The following NUBPL variants were observed in gnomAD, a reference collection of about 807,000 sequenced individuals.
The protein encoded by NUBPL is iron-sulfur cluster transfer protein NUBPL.
In NUBPL, 31 loss-of-function variants were observed where a neutral mutation model predicts 45.7. That is an observed-to-expected ratio of 0.68 (90% confidence interval 0.51 to 0.92). The LOEUF (loss-of-function observed/expected upper bound fraction) is 0.92. NUBPL is among the 40% of genes least tolerant of loss of function. The pLI is 0.00. For synonymous variants in NUBPL, 144 were observed against 140.9 expected (o/e 1.02, Z -0.15); for missense variants, 401 against 398.7 (o/e 1.01, Z -0.05).
intron 7 of NUBPL, among the ~76,000 whole-genome samples, chr14:31,815,657 A>G (rs543019808): frequency 3.0e-4 from 46 of 152,246 alleles, no homozygotes; most frequent in African/African-American, 7.2e-4. Flanking sequence ...ATTCAGTATG[A>G]TACTGGCTGT....
intron 4 of NUBPL, among the ~76,000 whole-genome samples, chr14:31,605,953 CCCT>C (rs1363103103): frequency 1.4e-5 from 2 of 145,792 alleles, no homozygotes; most frequent in African/African-American, 5.1e-5. Context: ...CCTCTCTTCT[CCCT>C]CCTCCTCTTC....
chr14:31,678,483 GC>G lies in NUBPL; in HGVS notation c.513+4912del, dbSNP rs368276707. On this transcript the variant is annotated intron_variant, in intron 6 of 10. Transcript: ENST00000281081. ...CGGGCATTGCTGCTGGTTGTTCATG[GC>G]CCAGAGGCCCTTTATTCAGCAGGTG... 1.6e-4 allele frequency among the ~76,000 whole-genome samples: 24 copies of G among 152,308 alleles called. No homozygotes were observed. In the East Asian group the frequency reaches 2.9e-3, roughly 18 times the overall value.
At chr14:31,729,280 C>G (rs539403372) in intron 6 of NUBPL, among the ~76,000 whole-genome samples, 5 of 133,826 alleles carry the variant, frequency 3.7e-5, no homozygotes, top group South Asian at 2.6e-4. Flanking sequence ...CTCCATCCCC[C>G]CCCCCCCCAA....
intron 6 of NUBPL, among the ~76,000 whole-genome samples, chr14:31,683,642 C>T (rs937076104): frequency 1.3e-5 from 2 of 152,078 alleles, no homozygotes; most frequent in African/African-American, 4.8e-5. Context: ...TGAGCCACCG[C>T]GCCCGGCTGC....
chr14:31,793,842 T>TA lies in NUBPL; in HGVS notation c.607+5969_607+5970insA, dbSNP rs1555338733. Among the ~76,000 whole-genome samples, 161 of 125,068 alleles carry TA rather than the reference T, an allele frequency of 1.3e-3. 1 individual carries two copies. Among genetic ancestry groups the TA allele is most frequent in the African/African-American group, 4.8e-3 (108 of 22,700 alleles). 82.0% of individuals were successfully genotyped at this position (125,068 alleles called of 152,430 possible). A position where few individuals can be genotyped will look rare whatever the true frequency, so the allele number is the denominator to read the frequency against. On this transcript the variant is annotated intron_variant, in intron 7 of 10. Coordinates refer to ENST00000281081, the MANE Select transcript of NUBPL (RefSeq NM_025152.3). ...CCCTTATCTTTCTTTTTTTTTTTTA[T>TA]TTTTTTTTTTATTTTTTCCCAATGC...
At chr14:31,679,921 G>A (rs1263245666) in intron 6 of NUBPL, among the ~76,000 whole-genome samples, 2 of 152,032 alleles carry the variant, frequency 1.3e-5, no homozygotes, top group South Asian at 2.1e-4. Context: ...TTGGAGTAAT[G>A]TTTTATAGTT....
chr14:31,638,458 G>A (rs559725525), intron 4 of NUBPL, among the ~76,000 whole-genome samples: 3 of 151,828 alleles, frequency 2.0e-5, no homozygotes, highest in South Asian at 2.1e-4. Context: ...CGAGAGATCC[G>A]CTGTTAGTCT....
At chr14:31,853,882 A>G (rs1222213780) in intron 10 of NUBPL, among the ~76,000 whole-genome samples, 1 of 152,200 alleles carries the variant, frequency 6.6e-6, no homozygotes, top group African/African-American at 2.4e-5. Flanking sequence ...TGCTGGTATG[A>G]TTAATACTGT....
At chr14:31,763,604 A>AT (rs1453256970) in intron 6 of NUBPL, among the ~76,000 whole-genome samples, 2 of 152,270 alleles carry the variant, frequency 1.3e-5, no homozygotes, top group African/African-American at 4.8e-5. Flanking sequence ...ATCTGAATAT[A>AT]TTTTTTGTTT....
At chr14:31,573,154 G>A (rs961123964) in intron 3 of NUBPL, among the ~76,000 whole-genome samples, 4 of 152,148 alleles carry the variant, frequency 2.6e-5, no homozygotes, top group African/African-American at 9.7e-5. Flanking sequence ...CATGTGTTGT[G>A]CTGTGATGTT....
chr14:31,573,122 A>G (rs1222010097), intron 3 of NUBPL, among the ~76,000 whole-genome samples: 1 of 152,136 alleles, frequency 6.6e-6, no homozygotes, highest in African/African-American at 2.4e-5. Context: ...GTTTACACCA[A>G]CATCACCATA....
intron 2 of NUBPL, among the ~76,000 whole-genome samples, chr14:31,564,024 G>T (rs1302534349): frequency 1.3e-5 from 2 of 152,196 alleles, no homozygotes; most frequent in African/African-American, 4.8e-5. Flanking sequence ...GCAGAGCTGG[G>T]ATTTGAACCA....
At chr14:31,768,392 C>CCTTGGATG (rs1435166213) in intron 6 of NUBPL, among the ~76,000 whole-genome samples, 2 of 152,212 alleles carry the variant, frequency 1.3e-5, no homozygotes, top group African/African-American at 4.8e-5. Flanking sequence ...TTCTGCACAT[C>CCTTGGATG]AGTAAGCATC....
At chr14:31,772,834 T>C (rs2039032227) in intron 6 of NUBPL, among the ~76,000 whole-genome samples, 1 of 152,226 alleles carries the variant, frequency 6.6e-6, no homozygotes, top group Non-Finnish European at 1.5e-5. Context: ...ATAGTGACTT[T>C]AGAGGGGTTT....
At chr14:31,826,747 A>G in intron 8 of NUBPL, 33 bp downstream of exon 8, 1 of 1,571,280 alleles carries the variant, frequency 6.4e-7, no homozygotes, top group South Asian at 1.1e-5. Context: ...TGAAAAATAT[A>G]AAACTCTTCT....
At chr14:31,752,441 C>T (rs909265905) in intron 6 of NUBPL, among the ~76,000 whole-genome samples, 1 of 152,182 alleles carries the variant, frequency 6.6e-6, no homozygotes. Context: ...CCCCAGATCT[C>T]TGAGGCAGAG....
chr14:31,760,177 G>GAGAGAGAGAGAGAC, intron 6 of NUBPL, among the ~76,000 whole-genome samples: 1 of 147,036 alleles, frequency 6.8e-6, no homozygotes, highest in African/African-American at 2.6e-5. Context: ...GAGAGAGAGA[G>GAGAGAGAGAGAGAC]AGAGACAGGG....
intron 6 of NUBPL, among the ~76,000 whole-genome samples, chr14:31,777,527 C>G (rs531187243): frequency 6.6e-6 from 1 of 152,232 alleles, no homozygotes; most frequent in Admixed American, 6.5e-5. Context: ...TTAAAATAGG[C>G]TAGAACAATT....
chr14:31,566,984 T>C (rs1309464959), intron 3 of NUBPL, among the ~76,000 whole-genome samples: 1 of 152,194 alleles, frequency 6.6e-6, no homozygotes, highest in Admixed American at 6.5e-5. Context: ...TGGACTTCTG[T>C]GATAATATTT....
Sources: allele counts gnomAD v4.1 joint callset (sites outside exome capture counted in the v4.1 genomes callset), GRCh38; gene constraint gnomAD v4.1.1; transcripts MANE v1.5; gene names NCBI Gene and HGNC (gene_info 2026-07-23, HGNC 2026-07-21).